Variants in GPR155 observed in about 807,000 individuals in gnomAD.
GPR155 encodes lysosomal cholesterol signaling protein.
GPR155 carries 65 observed loss-of-function variants against 93.1 expected under a neutral mutation model. The ratio of observed to expected loss-of-function variants is 0.70; its 90% CI spans 0.57 to 0.86. The LOEUF (loss-of-function observed/expected upper bound fraction) is 0.86. GPR155 is among the 40% of genes least tolerant of loss of function. The probability of loss-of-function intolerance (pLI) is 0.00; values close to 1 mark genes in which losing one functional copy is unlikely to be tolerated. For synonymous variants in GPR155, 319 were observed against 360.1 expected, an observed-to-expected ratio of 0.89 and a Z score of 1.29; for missense variants, 838 against 1,034.8, an observed-to-expected ratio of 0.81 and a Z score of 2.61.
At chr2:174,438,601 G>A (rs561298506) in intron 15 of GPR155, among the ~76,000 whole-genome samples, 1 of 152,212 alleles carries the variant, frequency 6.6e-6, no homozygotes, top group African/African-American at 2.4e-5. Flanking sequence ...TCCACCTCCC[G>A]GGTTCAAGCG....
intron 2 of GPR155, 34 bp from the exon 3 acceptor site, chr2:174,473,398 AC>A: frequency 7.4e-7 from 1 of 1,357,068 alleles, no homozygotes; most frequent in Non-Finnish European, 1.0e-6. Context: ...TTAAATGATG[AC>A]CACAGAAATA....
At chr2:174,442,245 G>T in intron 13 of GPR155, 62 bp from the exon 14 acceptor site, 3 of 912,810 alleles carry the variant, frequency 3.3e-6, no homozygotes, top group Non-Finnish European at 5.4e-6. Context: ...AAACAGAGAA[G>T]TTAAGGAAGT....
intron 7 of GPR155, among the ~76,000 whole-genome samples, chr2:174,461,886 C>G (rs1427786430): frequency 6.6e-6 from 1 of 151,994 alleles, no homozygotes; most frequent in East Asian, 1.9e-4. Flanking sequence ...TATATTGTTT[C>G]TTTACTCAAT....
chr2:174,453,497 A>G (rs1341822085), intron 11 of GPR155, among the ~76,000 whole-genome samples: 1 of 151,772 alleles, frequency 6.6e-6, no homozygotes, highest in Non-Finnish European at 1.5e-5. Context: ...CGTCTCTACT[A>G]AAAATACAAA....
At chr2:174,486,468 A>C (rs893823732) in intron 1 of GPR155, among the ~76,000 whole-genome samples, 1 of 152,166 alleles carries the variant, frequency 6.6e-6, no homozygotes, top group South Asian at 2.1e-4. Context: ...ATACCCCAAA[A>C]ACGGGTAAGG....
chr2:174,462,789 T>C (rs1687737651), intron 7 of GPR155, among the ~76,000 whole-genome samples: 1 of 152,202 alleles, frequency 6.6e-6, no homozygotes, highest in East Asian at 1.9e-4. Context: ...TGTTTTGAAG[T>C]TCTTGAACTT....
At position 174,461,673 on chromosome 2, in the gene GPR155, CTAAGAA is replaced by C. The variant is rs1191221715; in HGVS notation, c.1385-7_1385-2del. Reference sequence around the variant, plus strand: ...AGAAACAAAGAAATTGCTAGAAGGCCTAAGAATAAGAAGATTGAAAGAGAGACAGTT... The same window carrying C: ...AGAAACAAAGAAATTGCTAGAAGGCCTAAGAAGATTGAAAGAGAGACAGTT... On this transcript the variant is annotated splice_acceptor_variant and splice_polypyrimidine_tract_variant and intron_variant, in intron 7 of 15. Coordinates refer to ENST00000392552, the MANE Select transcript of GPR155 (RefSeq NM_152529.7). LOFTEE classifies it high-confidence loss of function. 2.7e-5 allele frequency: 42 copies of C among 1,540,240 alleles called. No individual in the cohort carries two copies. The highest frequency in any genetic ancestry group is 3.6e-5 in the Non-Finnish European group (40 of 1,113,158).
intron 10 of GPR155, among the ~76,000 whole-genome samples, chr2:174,459,622 A>C (rs981149211): frequency 6.6e-6 from 1 of 152,296 alleles, no homozygotes; most frequent in East Asian, 1.9e-4. Flanking sequence ...AGGCGGGTGA[A>C]TCGCCTGAGC....
At chr2:174,485,651 G>T (rs935860687) in intron 1 of GPR155, among the ~76,000 whole-genome samples, 1 of 149,758 alleles carries the variant, frequency 6.7e-6, no homozygotes, top group Non-Finnish European at 1.5e-5. Flanking sequence ...TTCTTTTAAC[G>T]TTTCTCAGTA....
intron 11 of GPR155, 72 bp from the exon 12 acceptor site, chr2:174,446,819 T>C: frequency 7.2e-7 from 1 of 1,388,300 alleles, no homozygotes; most frequent in East Asian, 2.3e-5. Flanking sequence ...TTGTAATGAC[T>C]TCCTAAGAGA....
Position 174,481,868 on chromosome 2 carries a change from G to A in GPR155, c.89C>T (p.Ser30Phe). Residue 30 changes from serine (S) to phenylalanine (F), a missense_variant, in exon 2 of 16, where the codon TCC (serine) becomes TTC (phenylalanine). Physicochemically the swap from Ser to Phe is radical, Grantham distance 155. Around this residue, in one of 3 missense-constraint regions of GPR155, gnomAD observed 663 missense variants for 790.1 expected, o/e 0.84. Transcript: ENST00000392552. ...TGACATTGAAGGTGGGTCATTAGTG[G>A]AATTAAATCCATGCGTTACTGCTGT... ...LPTAVTHGFN[S>F]TNDPPSMSIT... The A allele has an allele frequency of 2.5e-6, 4 of 1,614,080 alleles. No homozygotes were observed. The highest frequency in any genetic ancestry group is 3.4e-6 in the Non-Finnish European group (4 of 1,179,944).
intron 7 of GPR155, among the ~76,000 whole-genome samples, chr2:174,462,318 T>G (rs1331318295): frequency 6.6e-6 from 1 of 152,104 alleles, no homozygotes; most frequent in Non-Finnish European, 1.5e-5. Context: ...GAAAAACATT[T>G]TTTTTTTCTT....
rs569389284 is a variant in GPR155 at position 174,471,593 on chromosome 2, A to C, written c.861-1038T>G. Among the ~76,000 whole-genome samples the C allele has an allele frequency of 2.0e-5, 3 of 152,224 alleles. No homozygotes were observed. In the East Asian group the frequency reaches 5.8e-4, roughly 29 times the overall value. ...AAATTTTTCAGGATTTCATAGAATG[A>C]GCAAATCCACAGTAGTTGAGCAAAT... is the stretch of plus-strand genomic sequence containing the variant. On this transcript the variant is annotated intron_variant, in intron 3 of 15. Transcript: ENST00000392552.
rs973872361 is a variant in GPR155, at chr2:174,481,707, C to A, written c.250G>T (p.Ala84Ser). ...ACAACCATGTTTTTGAATAATAAAG[C>A]TGGAAGTGCAAATCTGGAGACAAAA... is the stretch of plus-strand genomic sequence containing the variant. Reference protein sequence around the residue: ...GNFVSRFALPALLFKNMVVLN... With the variant: ...GNFVSRFALPSLLFKNMVVLN... The change falls in exon 2 of 16, where the codon GCT becomes TCT. Residue 84 changes from alanine (A) to serine (S), a missense_variant. Transcript: ENST00000392552. 1 of 1,614,098 alleles carries A rather than the reference C, an allele frequency of 6.2e-7. No individual in the cohort carries two copies. Among genetic ancestry groups the A allele is most frequent in the Non-Finnish European group, 8.5e-7 (1 of 1,179,956 alleles).
chr2:174,481,284 A>C (rs1688311393), intron 2 of GPR155, among the ~76,000 whole-genome samples: 1 of 152,182 alleles, frequency 6.6e-6, no homozygotes, highest in African/African-American at 2.4e-5. Flanking sequence ...GACTGTTCAC[A>C]GTGGTTATTA....
Position 174,435,548 on chromosome 2 carries a change from A to C in GPR155, c.*568T>G, listed in dbSNP as rs1574686267. On this transcript the variant is annotated 3_prime_UTR_variant, in exon 16 of 16. Coordinates refer to ENST00000392552, the MANE Select transcript of GPR155 (RefSeq NM_152529.7). Reference sequence around the variant, plus strand: ...GTGCAGTGGCACGATCTCGGCTCACAGCAACCTCTGCCTCCCAGATTCAAG... The same window carrying C: ...GTGCAGTGGCACGATCTCGGCTCACCGCAACCTCTGCCTCCCAGATTCAAG... 3 of 152,074 alleles carry C rather than the reference A, an allele frequency of 2.0e-5. No homozygotes were observed. Among genetic ancestry groups the C allele is most frequent in the Admixed American group, 1.3e-4 (2 of 15,244 alleles). The allele number at this position is 152,074 out of a possible 1,614,324, so 9.4% of individuals were successfully genotyped here.
Position 174,460,014 on chromosome 2 carries a change from A to T in GPR155, c.1635T>A (p.Thr545=). 6.2e-7 allele frequency: 1 copy of T among 1,613,978 alleles called. No individual in the cohort carries two copies. Among genetic ancestry groups the T allele is most frequent in the Non-Finnish European group, 8.5e-7 (1 of 1,179,992 alleles). The part of the protein sequence containing the change: ...AGISLMCMNQ[T]AQAGSYEGFD... ...AACCTTCATAGCTTCCTGCTTGGGCAGTCTGGTTCATGCACATGAGGGATA... is the reference window on the plus strand; with the variant it reads ...AACCTTCATAGCTTCCTGCTTGGGCTGTCTGGTTCATGCACATGAGGGATA... Residue 545 remains threonine (T), a synonymous_variant, in exon 10 of 16, where the codon ACT becomes ACA. Coordinates refer to ENST00000392552, the MANE Select transcript of GPR155 (RefSeq NM_152529.7).
chr2:174,460,124 C>T, intron 9 of GPR155, 36 bp from the exon 10 acceptor site: 1 of 1,240,638 alleles, frequency 8.1e-7, no homozygotes, highest in Non-Finnish European at 1.2e-6. Flanking sequence ...GGCCACTTTT[C>T]ACAACTTCAT....
At chr2:174,474,690 T>C (rs1411635560) in intron 2 of GPR155, among the ~76,000 whole-genome samples, 1 of 152,196 alleles carries the variant, frequency 6.6e-6, no homozygotes, top group Non-Finnish European at 1.5e-5. Flanking sequence ...ATATACAAGA[T>C]GACTTTAGGA....
Sources: gnomAD v4.1 joint callset for allele counts (sites outside exome capture counted in the v4.1 genomes callset) on GRCh38, gnomAD v4.1.1 for gene constraint, gnomAD v4.1.1 regional missense constraint, MANE v1.5 for transcripts, NCBI Gene and HGNC (gene_info 2026-07-23, HGNC 2026-07-21) for gene names.